Variants in EML4 observed in about 807,000 individuals in gnomAD.
The protein encoded by EML4 is echinoderm microtubule-associated protein-like 4.
Under a neutral mutation model 129.0 loss-of-function variants are expected in EML4, and 72 were observed. The ratio of observed to expected loss-of-function variants is 0.56; its 90% confidence interval spans 0.46 to 0.68. The LOEUF (loss-of-function observed/expected upper bound fraction) is 0.68. Among genes scored for constraint, EML4 ranks in the 30% least tolerant of loss-of-function variants. The pLI is 0.00. For synonymous variants in EML4, 532 were observed against 405.0 expected, an observed-to-expected ratio of 1.31 and a Z score of -3.77; for missense variants, 1,363 against 1,190.6, an observed-to-expected ratio of 1.14 and a Z score of -2.13.
At chr2:42,225,334 T>G (rs1476323623) in intron 1 of EML4, among the ~76,000 whole-genome samples, 1 of 152,128 alleles carries the variant, frequency 6.6e-6, no homozygotes, top group African/African-American at 2.4e-5. Flanking sequence ...CCCACTGTTT[T>G]CTATGGTGGC....
chr2:42,245,094 C>CTTTT (rs56808218), intron 1 of EML4, among the ~76,000 whole-genome samples: 1,955 of 66,496 alleles, frequency 0.029, 511 homozygotes, highest in African/African-American at 0.12. Context: ...AATTTTCTTT[C>CTTTT]TTTTTTTTTT....
At chr2:42,206,137 T>A (rs966409031) in intron 1 of EML4, among the ~76,000 whole-genome samples, 2 of 152,220 alleles carry the variant, frequency 1.3e-5, no homozygotes, top group Non-Finnish European at 2.9e-5. Context: ...TTATTCAAGT[T>A]TCACAAATTT....
chr2:42,257,133 T>C (rs1676205802), intron 3 of EML4, among the ~76,000 whole-genome samples: 1 of 152,050 alleles, frequency 6.6e-6, no homozygotes, highest in African/African-American at 2.4e-5. Flanking sequence ...TGTGTGTGTG[T>C]GTTAGGGGAT....
intron 1 of EML4, among the ~76,000 whole-genome samples, chr2:42,195,237 C>T (rs1671830600): frequency 6.6e-6 from 1 of 152,096 alleles, no homozygotes; most frequent in Non-Finnish European, 1.5e-5. Flanking sequence ...ATAACTTCAT[C>T]ATGCTACCAG....
chr2:42,252,599 T>C lies in EML4; in HGVS notation c.209-3902T>C, dbSNP rs1675850780. On this transcript the variant is annotated intron_variant, in intron 2 of 22. Transcript: ENST00000318522. ...TAACTCCTCTCTGTGAACTATCCCC[T>C]CTTTTGTTCTACGTGCTGGCCACAT... 2.0e-5 allele frequency among the ~76,000 whole-genome samples: 3 copies of C among 152,190 alleles called. No individual in the cohort carries two copies. In the South Asian group the frequency reaches 6.2e-4, roughly 31 times the overall value.
intron 18 of EML4, among the ~76,000 whole-genome samples, chr2:42,316,993 T>A (rs1362002695): frequency 6.6e-6 from 1 of 152,202 alleles, no homozygotes; most frequent in African/African-American, 2.4e-5. Flanking sequence ...TGACCATTTG[T>A]TACATGCTTA....
At chr2:42,321,186 A>T (rs1669501830) in intron 19 of EML4, among the ~76,000 whole-genome samples, 1 of 152,000 alleles carries the variant, frequency 6.6e-6, no homozygotes, top group Non-Finnish European at 1.5e-5. Context: ...GATCTACACC[A>T]TCCTGGCTAA....
At chr2:42,236,562 C>T (rs1470596183) in intron 1 of EML4, among the ~76,000 whole-genome samples, 5 of 152,226 alleles carry the variant, frequency 3.3e-5, no homozygotes, top group Non-Finnish European at 7.3e-5. Flanking sequence ...TACAAAGGCA[C>T]ATCTGAGTAG....
In EML4 at chr2:42,207,091, A is replaced by G. The variant is rs116802407; in HGVS notation, c.25+37455A>G. ...CACTGTAGTAATAGATTACTTTTCAATATAGTTCTGTAGAAATATGTCAGC... is the reference window on the plus strand; with the variant it reads ...CACTGTAGTAATAGATTACTTTTCAGTATAGTTCTGTAGAAATATGTCAGC... On this transcript the variant is annotated intron_variant, in intron 1 of 22. Transcript: ENST00000318522. Among the ~76,000 whole-genome samples the G allele has an allele frequency of 2.7e-3, 418 of 152,318 alleles. 2 individuals carry two copies. The highest frequency in any genetic ancestry group is 9.8e-3 in the African/African-American group (409 of 41,598).
Position 42,330,397 on chromosome 2 carries a change from T to G in EML4, c.*190T>G. On this transcript the variant is annotated 3_prime_UTR_variant, in exon 23 of 23. Coordinates refer to ENST00000318522, the MANE Select transcript of EML4 (RefSeq NM_019063.5). The stretch of plus-strand genomic sequence containing the variant: ...CAACTTAAAGTTTTAGTTTGGTGTT[T>G]ATTGAAAATTAACCAAACTTAATAC... The G allele has an allele frequency of 1.5e-6, 1 of 669,824 alleles. No individual in the cohort carries two copies. The highest frequency in any genetic ancestry group is 3.8e-4 in the Middle Eastern group (1 of 2,624). The allele number at this position is 669,824 out of a possible 1,614,324, so 41.5% of individuals were successfully genotyped here.
intron 1 of EML4, among the ~76,000 whole-genome samples, chr2:42,193,190 T>G (rs536644650): frequency 6.6e-6 from 1 of 152,234 alleles, no homozygotes; most frequent in Non-Finnish European, 1.5e-5. Flanking sequence ...TGCAGTAGTA[T>G]TCTGTACAAG....
intron 17 of EML4, among the ~76,000 whole-genome samples, chr2:42,314,777 G>C (rs1169016604): frequency 6.6e-6 from 1 of 152,164 alleles, no homozygotes; most frequent in African/African-American, 2.4e-5. Flanking sequence ...GCAGCCTTAA[G>C]TTTGTCTGTC....
chr2:42,303,521 A>G, intron 16 of EML4, 75 bp downstream of exon 16: 1 of 1,511,694 alleles, frequency 6.6e-7, no homozygotes, highest in Non-Finnish European at 9.1e-7. Context: ...CAGCAAAGTA[A>G]AAAGGACTAA....
intron 1 of EML4, among the ~76,000 whole-genome samples, chr2:42,226,681 T>A (rs1673984350): frequency 7.2e-6 from 1 of 138,626 alleles, no homozygotes; most frequent in Non-Finnish European, 1.5e-5. Flanking sequence ...TAAAATAAAA[T>A]AAATAAAATA....
chr2:42,222,032 C>T (rs1391595946), intron 1 of EML4, among the ~76,000 whole-genome samples: 1 of 152,028 alleles, frequency 6.6e-6, no homozygotes, highest in Non-Finnish European at 1.5e-5. Flanking sequence ...TGCACCTGGC[C>T]TAAAGTTGTC....
At chr2:42,266,588 C>G (rs140071331) in intron 6 of EML4, among the ~76,000 whole-genome samples, 2,088 of 152,170 alleles carry the variant, frequency 0.014, 60 homozygotes, top group African/African-American at 0.046. Context: ...AAGCAGTCCT[C>G]CTGCCTCAGC....
chr2:42,330,133 T>G lies in EML4; in HGVS notation c.2872T>G (p.Cys958Gly), dbSNP rs771807020. 3.7e-6 allele frequency: 6 copies of G among 1,611,952 alleles called. No homozygotes were observed. The highest frequency in any genetic ancestry group is 5.1e-6 in the Non-Finnish European group (6 of 1,179,644). ...DLGEPLYEEP[C>G]NEISKEQAKA... ...TGGTGAGCCTCTTTATGAAGAGCCA[T>G]GCAACGAGATAAGCAAGGAGCAGGC... Residue 958 changes from cysteine (C) to glycine (G), a missense_variant, in exon 23 of 23, where the codon TGC (cysteine) becomes GGC (glycine). By Grantham distance (159) the Cys-to-Gly change is radical. Coordinates refer to ENST00000318522, the MANE Select transcript of EML4 (RefSeq NM_019063.5).
At position 42,227,229 on chromosome 2, in the gene EML4, C is replaced by A. The variant is rs558761467; in HGVS notation, c.26-18276C>A. On this transcript the variant is annotated intron_variant, in intron 1 of 22. Transcript: ENST00000318522. ...GATTCAAGAGATCCTTCCACCTCAG[C>A]CCCCACAGCCTGCCCCAAGTAGCTG... Among the ~76,000 whole-genome samples the A allele has an allele frequency of 2.6e-5, 4 of 152,276 alleles. No individual in the cohort carries two copies. The South Asian group carries it at 8.3e-4, about 32-fold the overall frequency.
chr2:42,314,780 TG>T (rs1669144512), intron 17 of EML4, among the ~76,000 whole-genome samples: 1 of 152,244 alleles, frequency 6.6e-6, no homozygotes, highest in Non-Finnish European at 1.5e-5. Flanking sequence ...GCCTTAAGTT[TG>T]TCTGTCCATG....
Sources: gnomAD v4.1 joint callset for allele counts (sites outside exome capture counted in the v4.1 genomes callset) on GRCh38, gnomAD v4.1.1 for gene constraint, MANE v1.5 for transcripts, NCBI Gene and HGNC (gene_info 2026-07-23, HGNC 2026-07-21) for gene names.